KCNN2: variants seen among roughly 807,000 people sequenced by gnomAD.
KCNN2 encodes the protein small conductance calcium-activated potassium channel protein 2.
Under a neutral mutation model 55.5 loss-of-function variants are expected in KCNN2, and 24 were observed. The ratio of observed to expected loss-of-function variants is 0.43; its 90% CI spans 0.31 to 0.61. The LOEUF (loss-of-function observed/expected upper bound fraction) is 0.61, where lower values mean the gene tolerates loss of function less well. Among genes scored for constraint, KCNN2 ranks in the 20% least tolerant of loss-of-function variants. KCNN2 has a pLI of 0.08. For missense variants in KCNN2, 754 were observed against 853.6 expected (o/e 0.88, Z 1.45); for synonymous variants, 431 against 336.1 (o/e 1.28, Z -3.09).
chr5:114,226,223 C>T (rs900666421), intron 2 of KCNN2, among the ~76,000 whole-genome samples: 1 of 151,986 alleles, frequency 6.6e-6, no homozygotes, highest in Non-Finnish European at 1.5e-5. Flanking sequence ...TACATATACT[C>T]CTTTAGAGTG....
At chr5:114,254,384 T>C (rs1754941137) in intron 2 of KCNN2, among the ~76,000 whole-genome samples, 1 of 152,180 alleles carries the variant, frequency 6.6e-6, no homozygotes, top group Non-Finnish European at 1.5e-5. Context: ...TTACTTATCT[T>C]GAGATTGTAG....
At chr5:114,434,327 G>GT (rs1040008285) in intron 3 of KCNN2, among the ~76,000 whole-genome samples, 24 of 151,424 alleles carry the variant, frequency 1.6e-4, no homozygotes, top group Admixed American at 1.2e-3. Flanking sequence ...TTTCTTTTTG[G>GT]TTTTTTCTTA....
At position 114,364,149 on chromosome 5, in the gene KCNN2, CCTGTT is replaced by C. The variant is rs1757534674; in HGVS notation, c.1218+151_1218+155del. ...CTGTATTGTTACCGTTAGCACCTGACCTGTTCTTTCAGGAAGTGGAAAACAACACA... is the reference window on the plus strand; with the variant it reads ...CTGTATTGTTACCGTTAGCACCTGACCTTTCAGGAAGTGGAAAACAACACA... On this transcript the variant is annotated intron_variant, in intron 2 of 7. Transcript: ENST00000673685. 4 of 612,092 alleles carry C rather than the reference CCTGTT, an allele frequency of 6.5e-6. No individual in the cohort carries two copies. The Admixed American group carries it at 1.2e-4, about 18-fold the overall frequency. 37.9% of individuals were successfully genotyped at this position (612,092 alleles called of 1,614,324 possible).
intron 2 of KCNN2, among the ~76,000 whole-genome samples, chr5:114,238,874 G>A (rs4270685): frequency 0.83 from 126,490 of 152,122 alleles, 52,641 homozygotes; most frequent in East Asian, 0.9. Context: ...AGGAGAACAG[G>A]GTACAGTGTT....
intron 3 of KCNN2, chr5:114,433,771 C>T (rs1759893377): frequency 6.5e-6 from 1 of 153,516 alleles, no homozygotes; most frequent in Admixed American, 6.5e-5. Flanking sequence ...GCCAGCGAGA[C>T]CAGGAACCCA....
intron 1 of KCNN2, among the ~76,000 whole-genome samples, chr5:114,113,722 G>C (rs1751653202): frequency 6.6e-6 from 1 of 152,098 alleles, no homozygotes; most frequent in Non-Finnish European, 1.5e-5. Context: ...ATATATGGGA[G>C]AATCTAATGG....
Position 114,244,616 on chromosome 5 carries a change from G to C in KCNN2, c.-185+23051G>C, listed in dbSNP as rs142338946. On this transcript the variant is annotated intron_variant, in intron 2 of 10. Transcript: ENST00000512097. ...CTGGGGCGGGCATGGGGGGTTATTGGGGGGAGTGTGGAGGGGAGAGACAGA... is the reference window on the plus strand; with the variant it reads ...CTGGGGCGGGCATGGGGGGTTATTGCGGGGAGTGTGGAGGGGAGAGACAGA... 1.8e-4 allele frequency among the ~76,000 whole-genome samples: 27 copies of C among 151,770 alleles called. No homozygotes were observed. In the East Asian group the frequency reaches 5.1e-3, roughly 28 times the overall value.
intron 3 of KCNN2, among the ~76,000 whole-genome samples, chr5:114,418,202 GT>G (rs1341956102): frequency 1.3e-5 from 2 of 152,138 alleles, no homozygotes; most frequent in Non-Finnish European, 2.9e-5. Context: ...AGTAATTAGG[GT>G]TTTACCATTT....
At chr5:114,331,150 T>C (rs997657909) in intron 2 of KCNN2, among the ~76,000 whole-genome samples, 3 of 151,988 alleles carry the variant, frequency 2.0e-5, no homozygotes, top group African/African-American at 7.3e-5. Context: ...AAGCGGATCA[T>C]AAACAAGGCA....
intron 1 of KCNN2, among the ~76,000 whole-genome samples, chr5:114,060,466 A>G (rs544171117): frequency 1.3e-5 from 2 of 152,328 alleles, no homozygotes; most frequent in South Asian, 4.1e-4. Flanking sequence ...CAAGGAAGGA[A>G]GGAAGGGAGT....
chr5:114,100,524 A>C (rs1004811028), intron 1 of KCNN2, among the ~76,000 whole-genome samples: 1 of 152,092 alleles, frequency 6.6e-6, no homozygotes, highest in African/African-American at 2.4e-5. Context: ...AATGAAAAGA[A>C]GAGAGGAAGT....
chr5:114,375,441 T>G (rs1757902434), intron 2 of KCNN2, among the ~76,000 whole-genome samples: 1 of 152,186 alleles, frequency 6.6e-6, no homozygotes, highest in East Asian at 1.9e-4. Flanking sequence ...CTATGAAGTT[T>G]TAAGACTTAA....
chr5:114,219,965 G>A (rs1211590729), intron 1 of KCNN2, among the ~76,000 whole-genome samples: 1 of 152,124 alleles, frequency 6.6e-6, no homozygotes, highest in Non-Finnish European at 1.5e-5. Context: ...GTCAAAAATT[G>A]TCTTTGTTGC....
At chr5:114,086,715 C>T (rs1012021876) in intron 1 of KCNN2, among the ~76,000 whole-genome samples, 4 of 151,978 alleles carry the variant, frequency 2.6e-5, no homozygotes, top group Non-Finnish European at 5.9e-5. Context: ...CATGTCTTTG[C>T]TATTGTGAAT....
chr5:114,306,974 G>A lies in KCNN2; in HGVS notation c.-184-53971G>A, dbSNP rs899754428. On this transcript the variant is annotated intron_variant, in intron 2 of 10. Transcript: ENST00000512097. ...CCACCTTGGCCTCCCAAAGTGCTGG[G>A]ATTACAGGTATGAGCCACTTTAATA... is the stretch of plus-strand genomic sequence containing the variant. 7.9e-5 allele frequency among the ~76,000 whole-genome samples: 12 copies of A among 152,122 alleles called. No individual in the cohort carries two copies. In the South Asian group the frequency reaches 1.2e-3, roughly 16 times the overall value.
At chr5:114,491,346 C>G (rs912679281) in intron 6 of KCNN2, among the ~76,000 whole-genome samples, 1 of 151,978 alleles carries the variant, frequency 6.6e-6, no homozygotes, top group Admixed American at 6.6e-5. Flanking sequence ...AAACTTTATA[C>G]AAATTCCTTT....
chr5:114,393,858 T>C (rs1758529139), intron 2 of KCNN2, among the ~76,000 whole-genome samples: 1 of 152,136 alleles, frequency 6.6e-6, no homozygotes, highest in Non-Finnish European at 1.5e-5. Flanking sequence ...TTTTATTTAA[T>C]GGCATACTAT....
intron 1 of KCNN2, among the ~76,000 whole-genome samples, chr5:114,187,674 T>A (rs1753365612): frequency 6.6e-6 from 1 of 150,638 alleles, no homozygotes; most frequent in Non-Finnish European, 1.5e-5. Context: ...CCCGGCTAAT[T>A]TTTTTATATT....
At chr5:114,139,471 C>A (rs1752232908) in intron 1 of KCNN2, among the ~76,000 whole-genome samples, 1 of 134,942 alleles carries the variant, frequency 7.4e-6, no homozygotes. Flanking sequence ...CCCCCCCACA[C>A]ACACACACCA....
Sources: allele counts gnomAD v4.1 joint callset (sites outside exome capture counted in the v4.1 genomes callset), GRCh38; gene constraint gnomAD v4.1.1; transcripts MANE v1.5; gene names NCBI Gene and HGNC (gene_info 2026-07-23, HGNC 2026-07-21).